Variants in LMLN observed in about 807,000 individuals in gnomAD.
The protein encoded by LMLN is leishmanolysin like peptidase, also known as leishmanolysin-like peptidase.
Under a neutral mutation model 92.3 loss-of-function variants are expected in LMLN, and 70 were observed. The ratio of observed to expected loss-of-function variants is 0.76; its 90% CI spans 0.63 to 0.92. LMLN has a LOEUF of 0.92. Ranked by LOEUF, LMLN falls within the 40% of genes least tolerant of loss-of-function variation. The pLI is 0.00. For missense variants in LMLN, 691 were observed against 814.6 expected (o/e 0.85, Z 1.85); for synonymous variants, 308 against 296.2 (o/e 1.04, Z -0.41).
At chr3:198,001,976 G>A (rs1722186710) in intron 11 of LMLN, among the ~76,000 whole-genome samples, 1 of 151,732 alleles carries the variant, frequency 6.6e-6, no homozygotes, top group Non-Finnish European at 1.5e-5. Flanking sequence ...TTTATTTACT[G>A]TTTTGATAAT....
chr3:198,020,023 G>A (rs1218747507), intron 12 of LMLN, among the ~76,000 whole-genome samples: 3 of 152,008 alleles, frequency 2.0e-5, no homozygotes, highest in African/African-American at 7.3e-5. Context: ...ACCATGCCTG[G>A]CTAATTTTCA....
At chr3:198,037,306 C>T (rs962781534) in intron 15 of LMLN, among the ~76,000 whole-genome samples, 5 of 152,154 alleles carry the variant, frequency 3.3e-5, no homozygotes, top group Admixed American at 6.5e-5. Context: ...CAGTTTCAGG[C>T]CTGCTGTATT....
At chr3:197,998,628 G>T (rs1722091144) in intron 10 of LMLN, among the ~76,000 whole-genome samples, 1 of 152,150 alleles carries the variant, frequency 6.6e-6, no homozygotes, top group Admixed American at 6.5e-5. Context: ...TCAATGGAAA[G>T]ATTTAAAGAA....
intron 10 of LMLN, among the ~76,000 whole-genome samples, chr3:197,998,107 G>A (rs1235287087): frequency 6.6e-6 from 1 of 152,204 alleles, no homozygotes; most frequent in Non-Finnish European, 1.5e-5. Flanking sequence ...AGCAGTGGAA[G>A]GGCTGTCATC....
exon 9 of LMLN, chr3:197,990,606 G>A: frequency 6.2e-7 from 1 of 1,602,930 alleles, no homozygotes; most frequent in South Asian, 1.1e-5. Flanking sequence ...AAAGTGGAGA[G>A]ATTATGGGAT....
intron 8 of LMLN, among the ~76,000 whole-genome samples, chr3:197,986,356 G>T (rs1162733210): frequency 6.6e-6 from 1 of 152,126 alleles, no homozygotes; most frequent in Non-Finnish European, 1.5e-5. Context: ...AGCTACTTGG[G>T]GTGCTGAGCA....
At chr3:198,023,721 G>A (rs1352085136) in intron 13 of LMLN, among the ~76,000 whole-genome samples, 1 of 152,122 alleles carries the variant, frequency 6.6e-6, no homozygotes, top group Non-Finnish European at 1.5e-5. Context: ...ATTACTGCTC[G>A]GGTTTAAGAG....
intron 13 of LMLN, among the ~76,000 whole-genome samples, chr3:198,023,033 T>C (rs1399264352): frequency 6.6e-6 from 1 of 152,180 alleles, no homozygotes; most frequent in Non-Finnish European, 1.5e-5. Flanking sequence ...CGGGGAAAAT[T>C]ATAAATATCT....
At chr3:198,021,960 C>T (rs968708507) in intron 13 of LMLN, among the ~76,000 whole-genome samples, 1 of 152,164 alleles carries the variant, frequency 6.6e-6, no homozygotes, top group Non-Finnish European at 1.5e-5. Flanking sequence ...TCATTCTTAA[C>T]ATTTTATTCT....
At chr3:198,000,466 C>T (rs899247202) in intron 11 of LMLN, among the ~76,000 whole-genome samples, 2 of 152,090 alleles carry the variant, frequency 1.3e-5, no homozygotes, top group Non-Finnish European at 2.9e-5. Context: ...GTTGCTCTGT[C>T]ACCCAGGCTG....
chr3:197,996,094 T>C, intron 9 of LMLN, 81 bp from the exon 10 acceptor site: 1 of 613,698 alleles, frequency 1.6e-6, no homozygotes, highest in Non-Finnish European at 2.7e-6. Flanking sequence ...TAACTTATTA[T>C]ATTCATGTGA....
At chr3:197,999,300 G>A (rs762382064) in exon 11 of LMLN, 9 of 1,613,640 alleles carry the variant, frequency 5.6e-6, no homozygotes, top group South Asian at 1.1e-5. Flanking sequence ...ACTCAGAATC[G>A]AGTACTCTCT....
chr3:197,996,182 C>T, exon 10 of LMLN: 1 of 1,555,888 alleles, frequency 6.4e-7, no homozygotes, highest in Admixed American at 2.0e-5. Context: ...TAGGAGGAAG[C>T]ACGAAAACAT....
intron 7 of LMLN, among the ~76,000 whole-genome samples, chr3:197,984,602 C>CACT (rs1201300908): frequency 6.6e-6 from 1 of 151,372 alleles, no homozygotes; most frequent in Non-Finnish European, 1.5e-5. Context: ...AGACATGTGC[C>CACT]ACTACACTTG....
At chr3:197,985,280 G>A (rs114431631) in intron 7 of LMLN, among the ~76,000 whole-genome samples, 4,570 of 151,970 alleles carry the variant, frequency 0.03, 104 homozygotes, top group East Asian at 0.073. Flanking sequence ...AGGGCCGGGC[G>A]CGGTGGCTCT....
chr3:197,982,933 CCT>C (rs1169364188), intron 6 of LMLN, among the ~76,000 whole-genome samples: 2 of 152,152 alleles, frequency 1.3e-5, no homozygotes, highest in Non-Finnish European at 1.5e-5. Context: ...TTCAGGAGCC[CCT>C]CAGTGGACAC....
At chr3:197,990,989 T>C (rs1721850057) in intron 9 of LMLN, among the ~76,000 whole-genome samples, 2 of 152,182 alleles carry the variant, frequency 1.3e-5, no homozygotes, top group Admixed American at 6.5e-5. Context: ...TTAGTCAAGG[T>C]TCTCCAGAGA....
intron 10 of LMLN, among the ~76,000 whole-genome samples, chr3:197,998,234 T>C (rs551102715): frequency 6.6e-6 from 1 of 152,312 alleles, no homozygotes; most frequent in African/African-American, 2.4e-5. Flanking sequence ...CAGTATCTTT[T>C]TATTTTTAGA....
chr3:197,999,946 A>C (rs764033273), intron 11 of LMLN, among the ~76,000 whole-genome samples: 1 of 152,270 alleles, frequency 6.6e-6, no homozygotes, highest in Non-Finnish European at 1.5e-5. Context: ...TTTAAATTAT[A>C]AAGGAAAGAC....
Sources: gnomAD v4.1 joint callset for allele counts (sites outside exome capture counted in the v4.1 genomes callset) on GRCh38, gnomAD v4.1.1 for gene constraint, MANE v1.5 for transcripts, NCBI Gene and HGNC (gene_info 2026-07-23, HGNC 2026-07-21) for gene names.